RFX7: variants seen among roughly 807,000 people sequenced by gnomAD.
RFX7 encodes regulatory factor X7.
In RFX7, 26 loss-of-function variants were observed where a neutral mutation model predicts 111.8. That is an observed-to-expected ratio of 0.23 (90% CI 0.17 to 0.32). RFX7 has a LOEUF of 0.32. RFX7 is among the 10% of genes least tolerant of loss of function. The pLI is 1.00. For synonymous variants in RFX7, 624 were observed against 624.4 expected, an observed-to-expected ratio of 1.00 and a Z score of 0.01; for missense variants, 1,573 against 1,772.9, an observed-to-expected ratio of 0.89 and a Z score of 2.02.
rs563593216 is a variant in RFX7, at chr15:56,217,581, T to C, written c.161+25544A>G. Among the ~76,000 whole-genome samples the C allele has an allele frequency of 6.8e-4, 103 of 152,330 alleles. 1 individual carries two copies. The highest frequency in any genetic ancestry group is 4.3e-3 in the South Asian group (21 of 4,832). On this transcript the variant is annotated intron_variant, in intron 2 of 9. Transcript: ENST00000559447. ...CACTTTATAGACTTTATATAGACTT[T>C]ATAGACTTTATATCCTTCATAATAC...
At chr15:56,198,394 T>C (rs1333983041) in intron 2 of RFX7, among the ~76,000 whole-genome samples, 1 of 152,150 alleles carries the variant, frequency 6.6e-6, no homozygotes, top group Non-Finnish European at 1.5e-5. Context: ...CAAGGAAATA[T>C]GTTCCATTAG....
intron 2 of RFX7, among the ~76,000 whole-genome samples, chr15:56,233,892 A>G (rs2141237150): frequency 6.6e-6 from 1 of 152,230 alleles, no homozygotes; most frequent in African/African-American, 2.4e-5. Context: ...GAGGATTGTG[A>G]TTAGTTAGTG....
intron 3 of RFX7, among the ~76,000 whole-genome samples, chr15:56,151,001 G>A (rs2042562099): frequency 6.7e-6 from 1 of 150,172 alleles, no homozygotes; most frequent in African/African-American, 2.5e-5. Context: ...AAAGCGAGAA[G>A]ACAAGATTAG....
rs1371870375 is a variant in RFX7, at chr15:56,094,466, C to T, written c.3262G>A (p.Glu1088Lys). The change falls in exon 10 of 10, where the codon GAA becomes AAA. Residue 1088 changes from glutamate to lysine, a missense_variant. Physicochemically the swap from Glu to Lys is moderately conservative, Grantham distance 56 (BLOSUM62 1). Around this residue, in one of 7 missense-constraint regions of RFX7, gnomAD observed 411 missense variants for 478.1 expected, o/e 0.86. Coordinates refer to ENST00000559447, the MANE Select transcript of RFX7 (RefSeq NM_022841.7). The stretch of plus-strand genomic sequence containing the variant: ...TTCCTGAAACGGTCTTCCACTAGTT[C>T]CTGATAGCTTGGGAGAATACCATGG... ...SGHGILPSYQ[E>K]LVEDRFRKPH... 2 of 1,613,804 alleles carry T rather than the reference C, an allele frequency of 1.2e-6. No homozygotes were observed. The highest frequency in any genetic ancestry group is 2.7e-5 in the African/African-American group (2 of 74,900).
At chr15:56,110,436 G>A (rs1296309999) in intron 5 of RFX7, among the ~76,000 whole-genome samples, 7 of 126,672 alleles carry the variant, frequency 5.5e-5, no homozygotes, top group African/African-American at 1.2e-4. Flanking sequence ...CCCCCCGCCC[G>A]GCCAGCCGCC....
At position 56,230,659 on chromosome 15, in the gene RFX7, G is replaced by C. The variant is rs189510582; in HGVS notation, c.161+12466C>G. ...TTCAAATAGCTTGTTTATTAGAACAGCACTGGAAAAAAAATGAGTGATTAA... is the reference window on the plus strand; with the variant it reads ...TTCAAATAGCTTGTTTATTAGAACACCACTGGAAAAAAAATGAGTGATTAA... On this transcript the variant is annotated intron_variant, in intron 2 of 9. Coordinates refer to ENST00000559447, the MANE Select transcript of RFX7 (RefSeq NM_022841.7). 5.9e-5 allele frequency among the ~76,000 whole-genome samples: 9 copies of C among 152,286 alleles called. No homozygotes were observed. The East Asian group carries it at 1.3e-3, about 23-fold the overall frequency.
chr15:56,194,064 A>G (rs1306614262), intron 2 of RFX7, among the ~76,000 whole-genome samples: 1 of 152,210 alleles, frequency 6.6e-6, no homozygotes, highest in Non-Finnish European at 1.5e-5. Flanking sequence ...CACAGAAAGA[A>G]CATTTAGATA....
At position 56,144,491 on chromosome 15, in the gene RFX7, C is replaced by G. The variant is rs1193082441; in HGVS notation, c.196-8G>C. ...AAACTTCTCAACTTCTTGCTATTTA[C>G]AAAGGATTAAAAAGAAAGATCATTT... On this transcript the variant is annotated splice_polypyrimidine_tract_variant and splice_region_variant and intron_variant, in intron 3 of 9. Coordinates refer to ENST00000559447, the MANE Select transcript of RFX7 (RefSeq NM_022841.7). 2 of 1,341,518 alleles carry G rather than the reference C, an allele frequency of 1.5e-6. No homozygotes were observed. The highest frequency in any genetic ancestry group is 3.0e-5 in the African/African-American group (2 of 66,940). The allele number at this position is 1,341,518 out of a possible 1,614,324, so 83.1% of individuals were successfully genotyped here.
At chr15:56,172,210 GGAGTGGTATTAAA>G (rs2042853148) in intron 3 of RFX7, among the ~76,000 whole-genome samples, 1 of 152,092 alleles carries the variant, frequency 6.6e-6, no homozygotes, top group East Asian at 1.9e-4. Flanking sequence ...AAGTTTCAGA[GGAGTGGTATTAAA>G]GATTTTTGTT....
At chr15:56,174,910 C>T (rs547784876) in intron 3 of RFX7, among the ~76,000 whole-genome samples, 1 of 152,176 alleles carries the variant, frequency 6.6e-6, no homozygotes, top group South Asian at 2.1e-4. Flanking sequence ...TCCTTAAGAT[C>T]CGGAACAAGG....
intron 2 of RFX7, among the ~76,000 whole-genome samples, chr15:56,200,885 T>C (rs984075412): frequency 1.6e-4 from 24 of 151,676 alleles, no homozygotes; most frequent in African/African-American, 5.8e-4. Context: ...ATTTTTTGAA[T>C]GTACTTTAGG....
intron 4 of RFX7, among the ~76,000 whole-genome samples, chr15:56,143,893 C>T (rs556338532): frequency 2.5e-4 from 38 of 152,160 alleles, no homozygotes; most frequent in African/African-American, 8.7e-4. Flanking sequence ...GAATGAACAG[C>T]TTCTCTCCAC....
intron 2 of RFX7, among the ~76,000 whole-genome samples, chr15:56,207,979 C>T (rs1415725345): frequency 1.3e-5 from 2 of 152,142 alleles, no homozygotes; most frequent in Non-Finnish European, 1.5e-5. Context: ...CAAACTATAA[C>T]TGATGAATTA....
At chr15:56,113,264 A>G (rs2041962959) in intron 5 of RFX7, among the ~76,000 whole-genome samples, 1 of 152,262 alleles carries the variant, frequency 6.6e-6, no homozygotes, top group South Asian at 2.1e-4. Flanking sequence ...AATGCCCATC[A>G]ATGATAGACT....
intron 2 of RFX7, among the ~76,000 whole-genome samples, chr15:56,238,626 A>T (rs2141243962): frequency 6.6e-6 from 1 of 152,306 alleles, no homozygotes; most frequent in African/African-American, 2.4e-5. Context: ...TCTTGCCTGC[A>T]AATAAAGTTA....
Position 56,096,090 on chromosome 15 carries a change from A to G in RFX7, c.1638T>C (p.Asp546=), listed in dbSNP as rs1469852227. ...EVKVEPETSS[D]EHPVQCQENS... ...TCTCTTGGCACTGTACAGGATGCTCATCTGATGATGTTTCGGGTTCCACTT... is the reference window on the plus strand; with the variant it reads ...TCTCTTGGCACTGTACAGGATGCTCGTCTGATGATGTTTCGGGTTCCACTT... The change falls in exon 10 of 10, where the codon GAT becomes GAC. Residue 546 remains aspartate, a synonymous_variant. Transcript: ENST00000559447. 5 of 1,613,622 alleles carry G rather than the reference A, an allele frequency of 3.1e-6. No homozygotes were observed. Among genetic ancestry groups the G allele is most frequent in the Middle Eastern group, 1.7e-4 (1 of 6,060 alleles).
chr15:56,234,605 C>G (rs142035418), intron 2 of RFX7, among the ~76,000 whole-genome samples: 1 of 152,138 alleles, frequency 6.6e-6, no homozygotes, highest in Non-Finnish European at 1.5e-5. Context: ...TGTTGGAATA[C>G]GTTTCTCAGG....
chr15:56,102,313 C>A, intron 6 of RFX7, 60 bp from the exon 7 acceptor site: 2 of 946,818 alleles, frequency 2.1e-6, no homozygotes, highest in Non-Finnish European at 3.2e-6. Context: ...ACAGACAGCA[C>A]TTTAAAAGTA....
chr15:56,194,369 A>G (rs1472429200), intron 2 of RFX7, among the ~76,000 whole-genome samples: 1 of 152,098 alleles, frequency 6.6e-6, no homozygotes, highest in Non-Finnish European at 1.5e-5. Context: ...GAAATAGAGG[A>G]GGTATACTAT....
Sources: gnomAD v4.1 joint callset for allele counts (sites outside exome capture counted in the v4.1 genomes callset) on GRCh38, gnomAD v4.1.1 for gene constraint, gnomAD v4.1.1 regional missense constraint, MANE v1.5 for transcripts, NCBI Gene and HGNC (gene_info 2026-07-23, HGNC 2026-07-21) for gene names.